ENPP2: variants seen among roughly 807,000 people sequenced by gnomAD.
The protein encoded by ENPP2 is ectonucleotide pyrophosphatase/phosphodiesterase 2, also known as autotaxin.
Under a neutral mutation model 120.2 loss-of-function variants are expected in ENPP2, and 51 were observed. The ratio of observed to expected loss-of-function variants is 0.42; its 90% CI spans 0.34 to 0.54. ENPP2 has a LOEUF of 0.54. Among genes scored for constraint, ENPP2 ranks in the 20% least tolerant of loss-of-function variants. The probability of loss-of-function intolerance (pLI) is 0.04; values close to 1 mark genes in which losing one functional copy is unlikely to be tolerated. For missense variants in ENPP2, 920 were observed against 1,066.5 expected (o/e 0.86, Z 1.91); for synonymous variants, 365 against 366.4 (o/e 1.00, Z 0.04).
Position 119,560,942 on chromosome 8 carries a change from T to G in ENPP2, c.2421+1915A>C, listed in dbSNP as rs547925901. Among the ~76,000 whole-genome samples, 4 of 152,228 alleles carry G rather than the reference T, an allele frequency of 2.6e-5. No homozygotes were observed. The South Asian group carries it at 8.3e-4, about 32-fold the overall frequency. On this transcript the variant is annotated intron_variant, in intron 24 of 24. Coordinates refer to ENST00000075322, the MANE Select transcript of ENPP2 (RefSeq NM_001040092.3). ...TGGTTATATGATTAGAAATAATATA[T>G]GTAGAGGACCTACACATAATCGGAT...
chr8:119,599,939 G>T (rs1814169559), intron 11 of ENPP2, among the ~76,000 whole-genome samples: 1 of 151,246 alleles, frequency 6.6e-6, no homozygotes, highest in Non-Finnish European at 1.5e-5. Flanking sequence ...CCTGGGAGGT[G>T]GAGGTTGCAG....
chr8:119,636,359 A>T (rs1476273188), intron 2 of ENPP2, among the ~76,000 whole-genome samples: 1 of 152,248 alleles, frequency 6.6e-6, no homozygotes, highest in East Asian at 1.9e-4. Context: ...AATCAACCAC[A>T]GTTCCTAAAA....
At chr8:119,657,081 T>A (rs1460289336) in intron 1 of ENPP2, among the ~76,000 whole-genome samples, 6 of 152,052 alleles carry the variant, frequency 3.9e-5, no homozygotes, top group African/African-American at 1.4e-4. Context: ...GCACCCACCA[T>A]GCCCGGCTAA....
At chr8:119,577,024 G>A (rs562606122) in intron 19 of ENPP2, among the ~76,000 whole-genome samples, 9 of 152,056 alleles carry the variant, frequency 5.9e-5, no homozygotes, top group South Asian at 2.1e-4. Context: ...CCCTGTGATC[G>A]TTTCACTATT....
intron 13 of ENPP2, among the ~76,000 whole-genome samples, 192 bp from the exon 14 acceptor site, chr8:119,587,267 T>C (rs1206813982): frequency 6.6e-6 from 1 of 152,216 alleles, no homozygotes; most frequent in African/African-American, 2.4e-5. Context: ...GCTAAGCAAG[T>C]GGAACAAATC....
chr8:119,644,625 T>TATATATATATACACAC (rs1327738777), intron 1 of ENPP2, among the ~76,000 whole-genome samples: 21 of 74,308 alleles, frequency 2.8e-4, no homozygotes, highest in African/African-American at 9.4e-4. Flanking sequence ...TATATATATA[T>TATATATATATACACAC]ACACACACAC....
Position 119,600,700 on chromosome 8 carries a change from T to C in ENPP2, c.950A>G (p.Lys317Arg). ...YSEQPDFSGH[K>R]YGPFGPEMTN... Reference sequence around the variant, plus strand: ...AACCTCAGGGCCGAAAGGGCCATATTTGTGTCCAGAGAAATCAGGTTGCTC... The same window carrying C: ...AACCTCAGGGCCGAAAGGGCCATATCTGTGTCCAGAGAAATCAGGTTGCTC... Residue 317 changes from lysine (K) to arginine (R), a missense_variant, in exon 11 of 25, where the codon AAA (lysine) becomes AGA (arginine). By Grantham distance (26) the Lys-to-Arg change is conservative. Coordinates refer to ENST00000075322, the MANE Select transcript of ENPP2 (RefSeq NM_001040092.3). 1 of 1,612,768 alleles carries C rather than the reference T, an allele frequency of 6.2e-7. No individual in the cohort carries two copies. The highest frequency in any genetic ancestry group is 8.5e-7 in the Non-Finnish European group (1 of 1,178,814).
chr8:119,672,902 G>A (rs1222078910), intron 1 of ENPP2, among the ~76,000 whole-genome samples: 3 of 152,172 alleles, frequency 2.0e-5, no homozygotes, highest in Non-Finnish European at 4.4e-5. Flanking sequence ...CGCCCAGGAG[G>A]GCAGAGCTTG....
intron 24 of ENPP2, among the ~76,000 whole-genome samples, chr8:119,560,310 C>T (rs201513002): frequency 1.4e-4 from 22 of 152,270 alleles, no homozygotes; most frequent in East Asian, 7.7e-4. Context: ...GCTCAGAGAA[C>T]GTATACCATG....
At chr8:119,586,380 C>G in intron 14 of ENPP2, 67 bp from the exon 15 acceptor site, 1 of 1,486,126 alleles carries the variant, frequency 6.7e-7, no homozygotes, top group South Asian at 1.2e-5. Context: ...CAAATTCTCT[C>G]TCTAGAAAGC....
intron 11 of ENPP2, among the ~76,000 whole-genome samples, chr8:119,597,938 AATC>A (rs2130525348): frequency 6.6e-6 from 1 of 152,344 alleles, no homozygotes; most frequent in Non-Finnish European, 1.5e-5. Context: ...TGGTAGTTAA[AATC>A]ATTTCAATGA....
At chr8:119,616,408 G>A (rs371004714) in intron 7 of ENPP2, 24 bp from the exon 8 acceptor site, 63 of 1,549,708 alleles carry the variant, frequency 4.1e-5, no homozygotes, top group Non-Finnish European at 5.2e-5. Flanking sequence ...CAAATTTATT[G>A]TTAAAATAAC....
chr8:119,643,059 C>G (rs1366024780), upstream of ENPP2, among the ~76,000 whole-genome samples: 1 of 152,108 alleles, frequency 6.6e-6, no homozygotes, highest in African/African-American at 2.4e-5. Context: ...TAATTATTAA[C>G]CATGTCATTT....
rs1471238484 is a variant in ENPP2 at position 119,601,415 on chromosome 8, G to C, written c.881C>G (p.Thr294Ser). Reference sequence around the variant, plus strand: ...TAAATACCTCTCATGATCTGGCAGGGTGAGCCACTGCAATATGGTTAATAT... The same window carrying C: ...TAAATACCTCTCATGATCTGGCAGGCTGAGCCACTGCAATATGGTTAATAT... ...RRILTILQWLTLPDHERPSVY... is the reference protein window; with the variant it reads ...RRILTILQWLSLPDHERPSVY... Residue 294 changes from threonine to serine, a missense_variant, in exon 10 of 25, where the codon ACC (threonine) becomes AGC (serine). By Grantham distance (58) the Thr-to-Ser change is moderately conservative. Transcript: ENST00000075322. 3.7e-6 allele frequency: 6 copies of C among 1,608,520 alleles called. No individual in the cohort carries two copies. The highest frequency in any genetic ancestry group is 5.1e-6 in the Non-Finnish European group (6 of 1,175,004).
intron 2 of ENPP2, among the ~76,000 whole-genome samples, chr8:119,634,191 AATACATACATAC>A (rs5894490): frequency 3.2e-4 from 48 of 147,726 alleles, no homozygotes; most frequent in East Asian, 8.1e-4. Context: ...TCAAAAAATA[AATACATACATAC>A]ATACATACAT....
At chr8:119,557,965 C>T (rs538114285) in intron 24 of ENPP2, among the ~76,000 whole-genome samples, 1 of 151,792 alleles carries the variant, frequency 6.6e-6, no homozygotes, top group African/African-American at 2.4e-5. Context: ...TCAATAGGTT[C>T]TCAGAACATA....
intron 13 of ENPP2, among the ~76,000 whole-genome samples, chr8:119,587,473 T>C (rs1407589672): frequency 6.6e-6 from 1 of 152,196 alleles, no homozygotes; most frequent in Non-Finnish European, 1.5e-5. Context: ...TAACTTCTTA[T>C]TTATCTGCAG....
Position 119,621,341 on chromosome 8 carries a change from C to T in ENPP2, c.418+53G>A. ...TCCTAGCATCCAGGATCTCCTGGAG[C>T]ACCTCCAGTTTTTATTCTTTTAAAG... On this transcript the variant is annotated intron_variant, in intron 4 of 24. Transcript: ENST00000075322. The T allele has an allele frequency of 1.9e-6, 3 of 1,573,578 alleles. No homozygotes were observed. The South Asian group carries it at 3.3e-5, about 18-fold the overall frequency.
chr8:119,569,470 T>C (rs1814770740), intron 20 of ENPP2, 100 bp from the exon 21 acceptor site: 1 of 1,077,264 alleles, frequency 9.3e-7, no homozygotes, highest in Non-Finnish European at 1.3e-6. Context: ...TTCTGATTGA[T>C]AGTCTGACTC....
Sources: gnomAD v4.1 joint callset for allele counts (sites outside exome capture counted in the v4.1 genomes callset) on GRCh38, gnomAD v4.1.1 for gene constraint, MANE v1.5 for transcripts, NCBI Gene and HGNC (gene_info 2026-07-23, HGNC 2026-07-21) for gene names.